Variants in NLGN4X observed in about 807,000 individuals in gnomAD.
NLGN4X encodes the protein neuroligin 4 X-linked.
NLGN4X carries 3 observed loss-of-function variants against 40.3 expected under a neutral mutation model. That is an observed-to-expected ratio of 0.07 (90% CI 0.03 to 0.19). NLGN4X has a LOEUF of 0.19. NLGN4X is among the 10% of genes least tolerant of loss of function. NLGN4X has a pLI of 1.00. For missense variants in NLGN4X, 382 were observed against 708.3 expected (o/e 0.54, Z 5.23); for synonymous variants, 270 against 306.8 (o/e 0.88, Z 1.25).
Position 6,094,980 on chromosome X carries a change from T to A in NLGN4X, c.472+56015A>T, listed in dbSNP as rs188943307. The stretch of plus-strand genomic sequence containing the variant: ...AAAAACGTTGCAGCAATTTTTTTTT[T>A]AAAAAGAGTAATTTTATCAAATTTG... On this transcript the variant is annotated intron_variant, in intron 2 of 5. Coordinates refer to ENST00000381095, the MANE Select transcript of NLGN4X (RefSeq NM_181332.3). 7.8e-3 allele frequency among the ~76,000 whole-genome samples: 863 copies of A among 110,324 alleles called. 5 individuals are homozygous for A. Among genetic ancestry groups the A allele is most frequent in the African/African-American group, 0.025 (746 of 30,313 alleles).
At chrX:6,062,203 AGT>A (rs1046944541) in intron 2 of NLGN4X, among the ~76,000 whole-genome samples, 2 of 111,616 alleles carry the variant, frequency 1.8e-5, no homozygotes, top group African/African-American at 6.5e-5. Context: ...TACCTTTTCC[AGT>A]GTTTAGGCCA....
intron 3 of NLGN4X, among the ~76,000 whole-genome samples, chrX:5,938,191 G>A (rs2033796485): frequency 9.0e-6 from 1 of 111,692 alleles, no homozygotes; most frequent in African/African-American, 3.3e-5. Context: ...CAAGGGTTAG[G>A]ATAGCTTTCA....
chrX:5,968,409 T>C (rs1259266274), intron 3 of NLGN4X, among the ~76,000 whole-genome samples: 4 of 79,476 alleles, frequency 5.0e-5, no homozygotes, highest in Non-Finnish European at 9.6e-5. Flanking sequence ...CAATTGGATC[T>C]AGTATGGCTG....
chrX:5,986,388 A>G (rs2035530785), intron 3 of NLGN4X, among the ~76,000 whole-genome samples: 1 of 112,040 alleles, frequency 8.9e-6, no homozygotes, highest in Non-Finnish European at 1.9e-5. Context: ...GGAAAAATAA[A>G]CTAGACCTCT....
intron 2 of NLGN4X, among the ~76,000 whole-genome samples, chrX:6,147,211 C>T (rs1288155912): frequency 8.9e-6 from 1 of 111,863 alleles, no homozygotes; most frequent in East Asian, 2.8e-4. Context: ...AGATGTATGT[C>T]CAAGGATCCA....
chrX:5,989,373 T>C (rs774433384), intron 3 of NLGN4X, among the ~76,000 whole-genome samples: 1 of 112,236 alleles, frequency 8.9e-6, no homozygotes, highest in East Asian at 2.8e-4. Context: ...GCCTCTGAAG[T>C]GACTAATTTG....
chrX:6,208,257 C>G (rs1477250891), intron 1 of NLGN4X, among the ~76,000 whole-genome samples: 1 of 112,110 alleles, frequency 8.9e-6, no homozygotes, highest in East Asian at 2.8e-4. Context: ...TGATTTTGCC[C>G]AATTTTAGAT....
At chrX:6,196,219 A>G (rs1923031507) in intron 1 of NLGN4X, among the ~76,000 whole-genome samples, 1 of 110,692 alleles carries the variant, frequency 9.0e-6, no homozygotes, top group Non-Finnish European at 1.9e-5. Flanking sequence ...TGCTTCCCCT[A>G]TTTTCAAATC....
chrX:6,049,729 A>G (rs1300054204), intron 2 of NLGN4X, among the ~76,000 whole-genome samples: 2 of 7,448 alleles, frequency 2.7e-4, no homozygotes, highest in Admixed American at 1.9e-3. Flanking sequence ...GAAAAATAAA[A>G]TGGGGGGGGG....
At chrX:6,050,710 T>C (rs1158860053) in intron 2 of NLGN4X, among the ~76,000 whole-genome samples, 1 of 111,443 alleles carries the variant, frequency 9.0e-6, no homozygotes, top group Non-Finnish European at 1.9e-5. Flanking sequence ...CTTACACATA[T>C]ATCATCTATC....
Position 5,951,579 on chromosome X carries a change from A to G in NLGN4X, c.626-42340T>C, listed in dbSNP as rs187688003. ...AAAGACTGCAGACCCCACGGCTTGT[A>G]AAAAAAATTGCTCACAGTTCTGGAG... On this transcript the variant is annotated intron_variant, in intron 3 of 5. Transcript: ENST00000381095. Among the ~76,000 whole-genome samples the G allele has an allele frequency of 1.7e-3, 180 of 106,338 alleles. 1 individual carries two copies. Among genetic ancestry groups the G allele is most frequent in the Middle Eastern group, 9.6e-3 (2 of 208 alleles). 92.3% of individuals were successfully genotyped at this position (106,338 alleles called of 115,157 possible). A position where few individuals can be genotyped will look rare whatever the true frequency, so the allele number is the denominator to read the frequency against.
chrX:6,168,343 C>T (rs1349640787), intron 1 of NLGN4X, among the ~76,000 whole-genome samples: 2 of 90,954 alleles, frequency 2.2e-5, no homozygotes, highest in African/African-American at 3.8e-5. Context: ...AAGTTCTGTC[C>T]GCAACTTCAA....
At chrX:6,196,530 C>G (rs1025281078) in intron 1 of NLGN4X, among the ~76,000 whole-genome samples, 1 of 78,623 alleles carries the variant, frequency 1.3e-5, no homozygotes, top group African/African-American at 5.0e-5. Flanking sequence ...CCAGCCTGGG[C>G]GACAGAGCGA....
chrX:5,988,690 C>A (rs907408917), intron 3 of NLGN4X, among the ~76,000 whole-genome samples: 65 of 112,593 alleles, frequency 5.8e-4, no homozygotes, highest in African/African-American at 2.1e-3. Context: ...GGAATGACAT[C>A]CTTCATGGCA....
Position 5,941,183 on chromosome X carries a change from GTGTGTGT to G in NLGN4X, c.626-31951_626-31945del, listed in dbSNP as rs1569143874. On this transcript the variant is annotated intron_variant, in intron 3 of 5. Coordinates refer to ENST00000381095, the MANE Select transcript of NLGN4X (RefSeq NM_181332.3). The stretch of plus-strand genomic sequence containing the variant: ...TGTTCTGGATCGTATGCTAGGGGGT[GTGTGTGT>G]GTGTGTGTGTGTGTGTGTGTGTGTG... Among the ~76,000 whole-genome samples, 63 of 23,853 alleles carry G rather than the reference GTGTGTGT, an allele frequency of 2.6e-3. 2 individuals carry two copies. In the East Asian group the frequency reaches 0.13, roughly 51 times the overall value. 20.7% of individuals were successfully genotyped at this position (23,853 alleles called of 115,157 possible).
At chrX:6,163,521 T>C (rs930535780) in intron 1 of NLGN4X, among the ~76,000 whole-genome samples, 1 of 112,083 alleles carries the variant, frequency 8.9e-6, no homozygotes, top group Non-Finnish European at 1.9e-5. Flanking sequence ...CCATTGCTTT[T>C]CAATTGCTAC....
chrX:5,987,186 T>A (rs1255099476), intron 3 of NLGN4X, among the ~76,000 whole-genome samples: 1 of 111,429 alleles, frequency 9.0e-6, no homozygotes, highest in East Asian at 2.8e-4. Flanking sequence ...CATATGAAAT[T>A]TATAAAACAG....
chrX:6,003,686 A>G (rs988485769), intron 3 of NLGN4X, among the ~76,000 whole-genome samples: 3 of 111,168 alleles, frequency 2.7e-5, no homozygotes, highest in African/African-American at 9.8e-5. Context: ...TTTCTTTTTG[A>G]TTTTATTTTT....
intron 3 of NLGN4X, among the ~76,000 whole-genome samples, chrX:5,928,175 C>T (rs5961889): frequency 0.046 from 5,166 of 112,127 alleles, 302 homozygotes; most frequent in African/African-American, 0.16. Flanking sequence ...ATGTATTTTA[C>T]GCAGGAAGGT....
Sources: gnomAD v4.1 joint callset for allele counts (sites outside exome capture counted in the v4.1 genomes callset) on GRCh38, gnomAD v4.1.1 for gene constraint, MANE v1.5 for transcripts, NCBI Gene and HGNC (gene_info 2026-07-23, HGNC 2026-07-21) for gene names.